IZUMO4: variants seen among roughly 807,000 people sequenced by gnomAD.
The protein encoded by IZUMO4 is izumo sperm-egg fusion protein 4.
IZUMO4 carries 51 observed loss-of-function variants against 37.1 expected under a neutral mutation model. That is an observed-to-expected ratio of 1.38 (90% CI 1.10 to 1.74). IZUMO4 has a LOEUF of 1.74. Among genes scored for constraint, IZUMO4 ranks in the 40% most tolerant of loss-of-function variants. IZUMO4 has a pLI of 0.00. For missense variants in IZUMO4, 364 were observed against 299.6 expected (o/e 1.21, Z -1.59); for synonymous variants, 162 against 121.4 (o/e 1.33, Z -2.20).
At chr19:2,098,184 A>G in intron 5 of IZUMO4, 57 bp downstream of exon 5, 5 of 1,611,200 alleles carry the variant, frequency 3.1e-6, no homozygotes, top group Middle Eastern at 1.7e-4. Context: ...CTGGGGTCCC[A>G]GGCTCTCCTT....
chr19:2,097,138 C>T lies in IZUMO4; in HGVS notation c.193C>T (p.His65Tyr), dbSNP rs1568261562. The change falls in exon 1 of 10, where the codon CAC (histidine) becomes TAC (tyrosine). Residue 65 changes from histidine to tyrosine, a missense_variant. Coordinates refer to ENST00000395301, the MANE Select transcript of IZUMO4 (RefSeq NM_001039846.2). ...DWSDDTMKEL[H>Y]LAIPAKITRE... The stretch of plus-strand genomic sequence containing the variant: ...GAGCGACGACACGATGAAGGAGCTG[C>T]ACCTGGCCATCCCCGCCAAGATCAG... The T allele has an allele frequency of 1.1e-5, 18 of 1,611,496 alleles. No homozygotes were observed. The highest frequency in any genetic ancestry group is 1.7e-5 in the Admixed American group (1 of 59,990).
rs951455662 is a variant in IZUMO4, at chr19:2,099,394, G to C, written c.*49G>C. The C allele has an allele frequency of 2.3e-6, 3 of 1,311,314 alleles. No homozygotes were observed. The highest frequency in any genetic ancestry group is 2.6e-5 in the East Asian group (1 of 38,210). The allele number at this position is 1,311,314 out of a possible 1,614,324, so 81.2% of individuals were successfully genotyped here. On this transcript the variant is annotated 3_prime_UTR_variant, in exon 10 of 10. Transcript: ENST00000395301. ...CAACGTGGGGGCGGAGACTCAGCTGGACAGCCCCTGCCTGTCACTCTGGAG... is the reference window on the plus strand; with the variant it reads ...CAACGTGGGGGCGGAGACTCAGCTGCACAGCCCCTGCCTGTCACTCTGGAG...
chr19:2,098,839 GGGTAAA>G, intron 8 of IZUMO4, 35 bp downstream of exon 8: 1 of 1,589,720 alleles, frequency 6.3e-7, no homozygotes, highest in Non-Finnish European at 8.6e-7. Flanking sequence ...CAGGGGGAGG[GGGTAAA>G]GGGAGAGAGG....
At chr19:2,099,057 G>A (rs771595416) in intron 9 of IZUMO4, 28 bp downstream of exon 9, 115 of 1,604,454 alleles carry the variant, frequency 7.2e-5, no homozygotes, top group East Asian at 2.5e-4. Flanking sequence ...GGGAGGCCTC[G>A]GGAGAAGGGG....
In IZUMO4 at chr19:2,098,780, C is replaced by T. The variant is rs765970669; in HGVS notation, c.537-7C>T. 5 of 1,604,264 alleles carry T rather than the reference C, an allele frequency of 3.1e-6. No individual in the cohort carries two copies. Among genetic ancestry groups the T allele is most frequent in the Admixed American group, 1.7e-5 (1 of 57,780 alleles). ...GGAGGGGCTGACTGCCCCACATTGCCTTTCAGACAGGACACGAGCATGAGG... is the reference window on the plus strand; with the variant it reads ...GGAGGGGCTGACTGCCCCACATTGCTTTTCAGACAGGACACGAGCATGAGG... On this transcript the variant is annotated splice_polypyrimidine_tract_variant and splice_region_variant and intron_variant, in intron 7 of 9. Transcript: ENST00000395301.
rs1303747983 is a variant in IZUMO4, at chr19:2,098,532, CT to C, written c.536+83del. ...TGAGTATGTGTGGGGCACAGGCTGGCTCCCTCAGCTCCCACGTCCTAGAGGG... is the reference window on the plus strand; with the variant it reads ...TGAGTATGTGTGGGGCACAGGCTGGCCCCTCAGCTCCCACGTCCTAGAGGG... On this transcript the variant is annotated intron_variant, in intron 7 of 9. Transcript: ENST00000395301. 2.5e-6 allele frequency: 4 copies of C among 1,608,238 alleles called. No individual in the cohort carries two copies. In the African/African-American group the frequency reaches 4.0e-5, roughly 16 times the overall value.
intron 7 of IZUMO4, 129 bp downstream of exon 7, chr19:2,098,579 T>C (rs2017793737): frequency 3.1e-6 from 5 of 1,602,798 alleles, no homozygotes; most frequent in Non-Finnish European, 4.3e-6. Flanking sequence ...AGGTGGAACC[T>C]CAACCCAGCT....
chr19:2,098,566 A>G (rs1438494566), intron 7 of IZUMO4, 116 bp downstream of exon 7: 5 of 1,605,482 alleles, frequency 3.1e-6, no homozygotes, highest in African/African-American at 1.3e-5. Flanking sequence ...GGGGCTCCCG[A>G]GGAGGTGGAA....
At position 2,097,912 on chromosome 19, in the gene IZUMO4, G is replaced by A; in HGVS notation, c.371-17G>A. 6.2e-7 allele frequency: 1 copy of A among 1,612,896 alleles called. No homozygotes were observed. Among genetic ancestry groups the A allele is most frequent in the Non-Finnish European group, 8.5e-7 (1 of 1,179,906 alleles). On this transcript the variant is annotated splice_polypyrimidine_tract_variant and intron_variant, in intron 3 of 9. Transcript: ENST00000395301. ...AGGCTGGGCCTGGTAAGATGGCGCT[G>A]TCCTGCCCTCCCACAGGCCGCATCG...
chr19:2,098,242 G>A, intron 5 of IZUMO4, 45 bp from the exon 6 acceptor site: 1 of 1,613,148 alleles, frequency 6.2e-7, no homozygotes. Flanking sequence ...GTAGGGCGGG[G>A]CCGTGGGTTC....
chr19:2,097,636 C>A (rs1304065920), intron 3 of IZUMO4, 141 bp downstream of exon 3: 1 of 825,316 alleles, frequency 1.2e-6, no homozygotes, highest in Non-Finnish European at 2.1e-6. Flanking sequence ...AGGGAGGGAC[C>A]CAGCCTAGCA....
intron 9 of IZUMO4, 75 bp downstream of exon 9, chr19:2,099,104 C>A: frequency 1.4e-6 from 2 of 1,454,080 alleles, no homozygotes; most frequent in Non-Finnish European, 1.9e-6. Context: ...GCGGCCTGCA[C>A]ACCCTGCTGA....
intron 8 of IZUMO4, 38 bp downstream of exon 8, chr19:2,098,842 TA>T (rs1555697943): frequency 2.7e-5 from 39 of 1,459,392 alleles, no homozygotes; most frequent in Non-Finnish European, 3.6e-5. Flanking sequence ...GGGGAGGGGG[TA>T]AAGGGAGAGA....
chr19:2,097,568 T>C (rs1262943977), intron 3 of IZUMO4, 73 bp downstream of exon 3: 1 of 1,318,630 alleles, frequency 7.6e-7, no homozygotes, highest in East Asian at 2.3e-5. Flanking sequence ...TGGCTGAGGC[T>C]GGAGTGATGT....
At chr19:2,097,204 C>A in intron 1 of IZUMO4, 42 bp downstream of exon 1, 1 of 1,605,804 alleles carries the variant, frequency 6.2e-7, no homozygotes, top group Non-Finnish European at 8.5e-7. Flanking sequence ...ACCCCGCCAG[C>A]GAGACCCCGG....
In IZUMO4 at chr19:2,097,156, A is replaced by G. The variant is rs1427204496; in HGVS notation, c.211A>G (p.Lys71Glu). Residue 71 changes from lysine to glutamate, a missense_variant, in exon 1 of 10, where the codon AAG becomes GAG. Transcript: ENST00000395301. The stretch of plus-strand genomic sequence containing the variant: ...GGAGCTGCACCTGGCCATCCCCGCC[A>G]AGATCAGTGAGTGCCGGAGCCCAGC... ...MKELHLAIPA[K>E]ITREKLDQVA... The G allele has an allele frequency of 6.2e-7, 1 of 1,610,350 alleles. No individual in the cohort carries two copies. The highest frequency in any genetic ancestry group is 8.5e-7 in the Non-Finnish European group (1 of 1,178,258).
At chr19:2,097,797 C>CAA (rs1435927030) in intron 3 of IZUMO4, 132 bp from the exon 4 acceptor site, 80 of 1,158,638 alleles carry the variant, frequency 6.9e-5, no homozygotes, top group Non-Finnish European at 8.9e-5. Flanking sequence ...CATGGACACA[C>CAA]ATACATGAAA....
Position 2,096,934 on chromosome 19 carries a change from G to A in IZUMO4, c.-12G>A. 6.3e-7 allele frequency: 1 copy of A among 1,599,506 alleles called. No homozygotes were observed. The highest frequency in any genetic ancestry group is 1.1e-5 in the South Asian group (1 of 90,804). The stretch of plus-strand genomic sequence containing the variant: ...AGCGTCGTTGGTTGGCCGGCGGCGG[G>A]CCGGGACGGGCATGGCCCTGCTGCT... On this transcript the variant is annotated 5_prime_UTR_variant, in exon 1 of 10. Coordinates refer to ENST00000395301, the MANE Select transcript of IZUMO4 (RefSeq NM_001039846.2).
In IZUMO4 at chr19:2,097,279, C is replaced by A; in HGVS notation, c.245C>A (p.Thr82Lys). 6.2e-7 allele frequency: 1 copy of A among 1,612,672 alleles called. No homozygotes were observed. Among genetic ancestry groups the A allele is most frequent in the Non-Finnish European group, 8.5e-7 (1 of 1,179,804 alleles). Residue 82 changes from threonine (T) to lysine (K), a missense_variant, in exon 2 of 10, where the codon ACA becomes AAA. Thr to Lys is a moderately conservative substitution (Grantham distance 78). Coordinates refer to ENST00000395301, the MANE Select transcript of IZUMO4 (RefSeq NM_001039846.2). ...ITREKLDQVA[T>K]AVYQMMDQLY... ...CGGGAGAAGCTGGACCAAGTGGCGACAGCAGTGTACCAGATGATGGATCAG... is the reference window on the plus strand; with the variant it reads ...CGGGAGAAGCTGGACCAAGTGGCGAAAGCAGTGTACCAGATGATGGATCAG...
Sources: allele counts gnomAD v4.1 joint callset, GRCh38; gene constraint gnomAD v4.1.1; transcripts MANE v1.5; gene names NCBI Gene and HGNC (gene_info 2026-07-23, HGNC 2026-07-21).